Variants in KCNIP4 observed in about 807,000 individuals in gnomAD.
KCNIP4 encodes the protein potassium voltage-gated channel interacting protein 4.
KCNIP4 carries 12 observed loss-of-function variants against 34.0 expected under a neutral mutation model. The observed-to-expected ratio is 0.35, with a 90% CI of 0.23 to 0.57. The LOEUF (loss-of-function observed/expected upper bound fraction) is 0.57. Among genes scored for constraint, KCNIP4 ranks in the 20% least tolerant of loss-of-function variants. The pLI is 0.83. For synonymous variants in KCNIP4, 124 were observed against 102.2 expected, an observed-to-expected ratio of 1.21 and a Z score of -1.29; for missense variants, 238 against 311.7, an observed-to-expected ratio of 0.76 and a Z score of 1.78.
At chr4:21,212,594 A>C (rs1757297710) in intron 1 of KCNIP4, among the ~76,000 whole-genome samples, 1 of 152,196 alleles carries the variant, frequency 6.6e-6, no homozygotes, top group Admixed American at 6.5e-5. Context: ...TATTTCTCAG[A>C]GTACTACAAG....
At chr4:21,629,531 G>A (rs1745565277) in intron 1 of KCNIP4, among the ~76,000 whole-genome samples, 1 of 152,176 alleles carries the variant, frequency 6.6e-6, no homozygotes. Flanking sequence ...ATAAAGAACA[G>A]TAGCTGAAGG....
At chr4:21,655,762 T>C (rs183702723) in intron 1 of KCNIP4, among the ~76,000 whole-genome samples, 1 of 152,330 alleles carries the variant, frequency 6.6e-6, no homozygotes, top group Admixed American at 6.5e-5. Flanking sequence ...AATGAGCATA[T>C]AACACAGAGA....
chr4:21,031,723 A>G (rs542869778), intron 1 of KCNIP4, among the ~76,000 whole-genome samples: 1 of 152,308 alleles, frequency 6.6e-6, no homozygotes, highest in African/African-American at 2.4e-5. Flanking sequence ...GGGCTAAATG[A>G]ATTTTAGGAT....
intron 1 of KCNIP4, among the ~76,000 whole-genome samples, chr4:21,797,741 G>T (rs758411840): frequency 1.3e-5 from 2 of 152,078 alleles, no homozygotes; most frequent in Non-Finnish European, 2.9e-5. Flanking sequence ...TTATACCAAA[G>T]AATTAATAAG....
intron 1 of KCNIP4, among the ~76,000 whole-genome samples, chr4:21,462,644 G>A (rs1355428492): frequency 6.6e-6 from 1 of 151,976 alleles, no homozygotes; most frequent in Non-Finnish European, 1.5e-5. Flanking sequence ...ATATGAGTGA[G>A]ATTATGCAGT....
At chr4:21,107,797 G>A (rs1322350243) in intron 1 of KCNIP4, among the ~76,000 whole-genome samples, 2 of 151,230 alleles carry the variant, frequency 1.3e-5, no homozygotes, top group African/African-American at 4.9e-5. Context: ...CAGGCCTGGT[G>A]GTGACAAAAT....
At chr4:20,956,147 A>T (rs1733280531) in intron 1 of KCNIP4, among the ~76,000 whole-genome samples, 1 of 152,218 alleles carries the variant, frequency 6.6e-6, no homozygotes, top group African/African-American at 2.4e-5. Context: ...TTATATGGGC[A>T]TTCAATAAAT....
intron 1 of KCNIP4, among the ~76,000 whole-genome samples, chr4:21,777,936 G>C (rs1002424244): frequency 6.6e-6 from 1 of 152,042 alleles, no homozygotes; most frequent in Non-Finnish European, 1.5e-5. Flanking sequence ...TGTAAGTTTT[G>C]ACTATAATCA....
At chr4:20,739,072 G>A (rs752120289) in intron 5 of KCNIP4, among the ~76,000 whole-genome samples, 4 of 151,328 alleles carry the variant, frequency 2.6e-5, no homozygotes, top group Non-Finnish European at 5.9e-5. Flanking sequence ...ACTTGACTAG[G>A]TAAAGCAGCC....
chr4:20,838,598 G>T (rs2149467994), intron 3 of KCNIP4, among the ~76,000 whole-genome samples: 1 of 152,268 alleles, frequency 6.6e-6, no homozygotes, highest in South Asian at 2.1e-4. Context: ...TTTAAATCCA[G>T]ACTCACTTGC....
intron 1 of KCNIP4, among the ~76,000 whole-genome samples, chr4:21,103,839 G>A (rs1050567091): frequency 3.3e-5 from 5 of 149,862 alleles, no homozygotes; most frequent in African/African-American, 1.2e-4. Context: ...GCGGTGTTTG[G>A]TTTTTTGTCC....
chr4:21,636,224 G>A (rs897522427), intron 1 of KCNIP4, among the ~76,000 whole-genome samples: 2 of 149,668 alleles, frequency 1.3e-5, no homozygotes, highest in African/African-American at 2.5e-5. Context: ...CACCAGCATG[G>A]GCACATGTAT....
intron 1 of KCNIP4, among the ~76,000 whole-genome samples, chr4:21,486,335 A>C (rs2109848128): frequency 6.6e-6 from 1 of 152,230 alleles, no homozygotes; most frequent in Non-Finnish European, 1.5e-5. Context: ...TGGGACACGG[A>C]TTTAGTAATT....
At chr4:21,901,694 C>T (rs1727712078) in intron 1 of KCNIP4, among the ~76,000 whole-genome samples, 1 of 152,072 alleles carries the variant, frequency 6.6e-6, no homozygotes, top group South Asian at 2.1e-4. Context: ...GTTAAAACTG[C>T]TATGATGAAA....
chr4:21,307,840 T>C (rs575483616), intron 1 of KCNIP4, among the ~76,000 whole-genome samples: 8 of 152,320 alleles, frequency 5.3e-5, no homozygotes, highest in African/African-American at 1.9e-4. Context: ...TTAGCTGTGC[T>C]CTATCTTCAG....
Position 21,094,894 on chromosome 4 carries a change from A to G in KCNIP4, c.62-212185T>C, listed in dbSNP as rs370903463. 2.6e-5 allele frequency among the ~76,000 whole-genome samples: 4 copies of G among 152,220 alleles called. No individual in the cohort carries two copies. The East Asian group carries it at 7.7e-4, about 29-fold the overall frequency. On this transcript the variant is annotated intron_variant, in intron 1 of 8. Transcript: ENST00000382152. ...TTAAGAGCCTTGCCCAAGTTTACAC[A>G]GGAAGGAAGTGCCAGATCTAAGATC...
intron 3 of KCNIP4, among the ~76,000 whole-genome samples, chr4:20,828,039 A>C (rs2149453510): frequency 6.6e-6 from 1 of 152,258 alleles, no homozygotes; most frequent in South Asian, 2.1e-4. Context: ...TCCTTATATA[A>C]TTTGGGAAGT....
chr4:20,732,125 CT>C (rs1249389579), intron 7 of KCNIP4, 57 bp from the exon 8 acceptor site: 30 of 1,191,898 alleles, frequency 2.5e-5, no homozygotes, highest in Non-Finnish European at 3.3e-5. Flanking sequence ...ACCCTCACAC[CT>C]GGACCAAATG....
chr4:21,934,488 G>T (rs1729740200), intron 1 of KCNIP4, among the ~76,000 whole-genome samples: 1 of 152,080 alleles, frequency 6.6e-6, no homozygotes, highest in African/African-American at 2.4e-5. Context: ...TTAAAAATAA[G>T]ATTTGAAGGG....
Sources: gnomAD v4.1 joint callset for allele counts (sites outside exome capture counted in the v4.1 genomes callset) on GRCh38, gnomAD v4.1.1 for gene constraint, MANE v1.5 for transcripts, NCBI Gene and HGNC (gene_info 2026-07-23, HGNC 2026-07-21) for gene names.